CNBD1: variants seen among roughly 807,000 people sequenced by gnomAD.
The protein encoded by CNBD1 is cyclic nucleotide-binding domain-containing protein 1.
In CNBD1, 71 loss-of-function variants were observed where a neutral mutation model predicts 54.4. The ratio of observed to expected loss-of-function variants is 1.30; its 90% CI spans 1.08 to 1.59. The LOEUF (loss-of-function observed/expected upper bound fraction) is 1.59. CNBD1 is among the 40% of genes most tolerant of loss of function. The pLI is 0.00. For missense variants in CNBD1, 659 were observed against 518.0 expected (o/e 1.27, Z -2.64); for synonymous variants, 182 against 170.7 (o/e 1.07, Z -0.51).
chr8:86,880,664 G>A (rs1015095469), intron 1 of CNBD1, among the ~76,000 whole-genome samples: 1 of 151,984 alleles, frequency 6.6e-6, no homozygotes, highest in African/African-American at 2.4e-5. Flanking sequence ...ATAACACTTT[G>A]GTCCTGAAGA....
chr8:87,259,293 G>A (rs992775342), intron 6 of CNBD1, among the ~76,000 whole-genome samples: 5 of 152,102 alleles, frequency 3.3e-5, no homozygotes, highest in African/African-American at 1.2e-4. Context: ...AACTTTCTTT[G>A]CATAGCAAGG....
At chr8:87,296,871 A>T (rs1808885532) in intron 8 of CNBD1, among the ~76,000 whole-genome samples, 1 of 152,120 alleles carries the variant, frequency 6.6e-6, no homozygotes, top group South Asian at 2.1e-4. Context: ...TTTCTAGCAC[A>T]TACATTTAAA....
At chr8:87,105,840 G>A (rs1811523614) in intron 4 of CNBD1, among the ~76,000 whole-genome samples, 1 of 152,002 alleles carries the variant, frequency 6.6e-6, no homozygotes, top group Admixed American at 6.6e-5. Flanking sequence ...CCTGAGAGGA[G>A]GTCTCGGTAT....
At chr8:86,984,626 G>A (rs1808563384) in intron 4 of CNBD1, among the ~76,000 whole-genome samples, 1 of 152,172 alleles carries the variant, frequency 6.6e-6, no homozygotes, top group South Asian at 2.1e-4. Flanking sequence ...TGTGAGACAT[G>A]GAGTCAAAGG....
At chr8:87,189,823 C>T (rs1813560709) in intron 4 of CNBD1, among the ~76,000 whole-genome samples, 1 of 152,080 alleles carries the variant, frequency 6.6e-6, no homozygotes, top group Non-Finnish European at 1.5e-5. Flanking sequence ...TCATCCTTGA[C>T]TGATTAGGGA....
chr8:87,412,730 C>A (rs1047439879), intron 2 of CNBD1, among the ~76,000 whole-genome samples: 8 of 152,022 alleles, frequency 5.3e-5, no homozygotes, highest in Non-Finnish European at 1.2e-4. Flanking sequence ...ACAGGAGCCT[C>A]TGTGACATGT....
chr8:87,376,053 G>T (rs1476168156), intron 10 of CNBD1, among the ~76,000 whole-genome samples: 5 of 151,890 alleles, frequency 3.3e-5, no homozygotes, highest in Non-Finnish European at 7.4e-5. Flanking sequence ...TCAAATAAAA[G>T]CAGAGATGAA....
chr8:87,397,276 A>G (rs1224539705), intron 2 of CNBD1, among the ~76,000 whole-genome samples: 1 of 151,916 alleles, frequency 6.6e-6, no homozygotes, highest in African/African-American at 2.4e-5. Flanking sequence ...ACAGCCTCCC[A>G]TGACTAGAAA....
chr8:87,117,398 CAAA>C (rs57622902), intron 4 of CNBD1, among the ~76,000 whole-genome samples: 144 of 107,206 alleles, frequency 1.3e-3, no homozygotes, highest in African/African-American at 4.9e-3. Flanking sequence ...GATTCCGTCT[CAAA>C]AAAAAAAAAA....
intron 10 of CNBD1, among the ~76,000 whole-genome samples, chr8:87,368,928 C>T (rs1488549047): frequency 2.0e-5 from 3 of 151,904 alleles, no homozygotes; most frequent in African/African-American, 7.2e-5. Flanking sequence ...CCCTCCCCTC[C>T]TTCTTTTCCT....
In CNBD1 at chr8:87,236,990, C is replaced by A; in HGVS notation, c.649C>A (p.Leu217Met). 3 of 1,612,204 alleles carry A rather than the reference C, an allele frequency of 1.9e-6. No individual in the cohort carries two copies. The highest frequency in any genetic ancestry group is 2.5e-6 in the Non-Finnish European group (3 of 1,178,644). Residue 217 changes from leucine (L) to methionine (M), a missense_variant, in exon 6 of 11, where the codon CTG becomes ATG. Coordinates refer to ENST00000518476, the MANE Select transcript of CNBD1 (RefSeq NM_173538.3). ...ARPQTNVYKN[L>M]IEGSDSPDSF... is the part of the protein sequence containing the mutation. ...ACCTCAAACAAACGTGTATAAAAATCTGATTGAAGGAAGTGATTCACCAGA... is the reference window on the plus strand; with the variant it reads ...ACCTCAAACAAACGTGTATAAAAATATGATTGAAGGAAGTGATTCACCAGA...
intron 5 of CNBD1, among the ~76,000 whole-genome samples, chr8:87,229,294 TG>T (rs200500670): frequency 2.0e-5 from 3 of 152,066 alleles, no homozygotes; most frequent in African/African-American, 7.2e-5. Flanking sequence ...TCTTAAATGC[TG>T]GTTTTTTTTT....
intron 5 of CNBD1, among the ~76,000 whole-genome samples, chr8:87,228,356 C>T (rs1814562753): frequency 6.7e-6 from 1 of 149,954 alleles, no homozygotes; most frequent in South Asian, 2.1e-4. Context: ...TCTGTTTTTT[C>T]CCCATCTTTG....
chr8:87,207,099 A>G (rs1276479729), intron 5 of CNBD1, among the ~76,000 whole-genome samples: 1 of 152,206 alleles, frequency 6.6e-6, no homozygotes, highest in Non-Finnish European at 1.5e-5. Context: ...CAAGCAATGA[A>G]AAATAAATCA....
At chr8:86,925,556 G>A (rs1386137893) in intron 3 of CNBD1, among the ~76,000 whole-genome samples, 2 of 149,808 alleles carry the variant, frequency 1.3e-5, no homozygotes, top group Admixed American at 6.7e-5. Flanking sequence ...TGGGATTGGG[G>A]GTAAAGGCAG....
At chr8:87,050,012 C>T (rs1810279584) in intron 4 of CNBD1, among the ~76,000 whole-genome samples, 1 of 152,144 alleles carries the variant, frequency 6.6e-6, no homozygotes, top group Non-Finnish European at 1.5e-5. Flanking sequence ...GATTGAATGC[C>T]TTTCCTATGG....
intron 4 of CNBD1, among the ~76,000 whole-genome samples, chr8:87,022,604 T>A (rs2130579118): frequency 6.6e-6 from 1 of 152,368 alleles, no homozygotes; most frequent in East Asian, 1.9e-4. Flanking sequence ...ACATTTTGTT[T>A]ACTCTGCCCT....
chr8:87,226,529 G>A (rs895658475), intron 5 of CNBD1, among the ~76,000 whole-genome samples: 1 of 146,728 alleles, frequency 6.8e-6, no homozygotes, highest in African/African-American at 2.7e-5. Context: ...AGGTTGTTCA[G>A]TTTCCATGTA....
intron 6 of CNBD1, among the ~76,000 whole-genome samples, chr8:87,274,256 CATGATT>C (rs1332922908): frequency 6.7e-6 from 1 of 150,314 alleles, no homozygotes; most frequent in Non-Finnish European, 1.5e-5. Context: ...TTTATAGCAG[CATGATT>C]TATAGTCCTT....
Sources: gnomAD v4.1 joint callset for allele counts (sites outside exome capture counted in the v4.1 genomes callset) on GRCh38, gnomAD v4.1.1 for gene constraint, MANE v1.5 for transcripts, NCBI Gene and HGNC (gene_info 2026-07-23, HGNC 2026-07-21) for gene names.